NMRK2: variants seen among roughly 807,000 people sequenced by gnomAD.
NMRK2 encodes the protein NRK 2.
In NMRK2, 34 loss-of-function variants were observed where a neutral mutation model predicts 24.7. The observed-to-expected ratio is 1.37, with a 90% CI of 1.05 to 1.83. The LOEUF (loss-of-function observed/expected upper bound fraction) is 1.83. Ranked by LOEUF, NMRK2 falls within the 40% of genes most tolerant of loss-of-function variation. NMRK2 has a pLI of 0.00. For missense variants in NMRK2, 341 were observed against 315.0 expected, an observed-to-expected ratio of 1.08 and a Z score of -0.62; for synonymous variants, 145 against 125.6, an observed-to-expected ratio of 1.15 and a Z score of -1.03.
chr19:3,939,439 G>A (rs537546910), intron 5 of NMRK2, among the ~76,000 whole-genome samples: 4 of 152,086 alleles, frequency 2.6e-5, no homozygotes, highest in African/African-American at 4.8e-5. Flanking sequence ...GCTTGAACCC[G>A]GGAAGTGGAG....
At position 3,941,186 on chromosome 19, in the gene NMRK2, CT is replaced by C; in HGVS notation, c.502+10del. 1 of 1,415,110 alleles carries C rather than the reference CT, an allele frequency of 7.1e-7. No individual in the cohort carries two copies. The highest frequency in any genetic ancestry group is 1.1e-5 in the South Asian group (1 of 87,504). The allele number at this position is 1,415,110 out of a possible 1,614,324, so 87.7% of individuals were successfully genotyped here. ...CAACGGTGTGGAAGTGGGTAAGCCC[CT>C]GAGCATGACCAGGCCTTGCCCCGGG... On this transcript the variant is annotated intron_variant, in intron 7 of 7. Coordinates refer to ENST00000168977, the MANE Select transcript of NMRK2 (RefSeq NM_170678.3).
In NMRK2 at chr19:3,938,527, C is replaced by T. The variant is rs574657183; in HGVS notation, c.167-76C>T. ...CCATCCACCGTCCCCTGGGGTCCGCCCTCCTGCAATGCCCGCTCCCCGTCC... is the reference window on the plus strand; with the variant it reads ...CCATCCACCGTCCCCTGGGGTCCGCTCTCCTGCAATGCCCGCTCCCCGTCC... On this transcript the variant is annotated intron_variant, in intron 4 of 7. Transcript: ENST00000168977. The T allele has an allele frequency of 1.3e-5, 18 of 1,375,832 alleles. No individual in the cohort carries two copies. In the African/African-American group the frequency reaches 2.7e-4, roughly 20 times the overall value. The allele number at this position is 1,375,832 out of a possible 1,614,324, so 85.2% of individuals were successfully genotyped here.
At position 3,933,578 on chromosome 19, in the gene NMRK2, T is replaced by C. The variant is rs952135221; in HGVS notation, c.-94T>C. The C allele has an allele frequency of 6.9e-7, 1 of 1,444,592 alleles. No homozygotes were observed. The highest frequency in any genetic ancestry group is 9.2e-7 in the Non-Finnish European group (1 of 1,081,800). The allele number at this position is 1,444,592 out of a possible 1,614,324, so 89.5% of individuals were successfully genotyped here. ...AGACCTATAAAGGCGCCAGGTTTTC[T>C]CAATGAAGCCGGGACGCACTCCGGA... On this transcript the variant is annotated 5_prime_UTR_variant, in exon 2 of 8. Coordinates refer to ENST00000168977, the MANE Select transcript of NMRK2 (RefSeq NM_170678.3).
intron 1 of NMRK2, 51 bp from the exon 2 acceptor site, chr19:3,933,407 A>C: frequency 6.3e-6 from 3 of 478,910 alleles, no homozygotes; most frequent in Non-Finnish European, 7.4e-6. Context: ...GGAGGAGGGA[A>C]GAGGCAGCCC....
intron 7 of NMRK2, among the ~76,000 whole-genome samples, chr19:3,941,877 G>A (rs941096888): frequency 1.3e-5 from 2 of 151,978 alleles, no homozygotes; most frequent in Non-Finnish European, 2.9e-5. Flanking sequence ...TCCTGACCTC[G>A]TGATCCGCCT....
At chr19:3,934,832 C>G (rs2039185927) in intron 2 of NMRK2, among the ~76,000 whole-genome samples, 1 of 152,118 alleles carries the variant, frequency 6.6e-6, no homozygotes, top group East Asian at 1.9e-4. Context: ...ATCCAACTGT[C>G]TCAGCCTCCC....
intron 2 of NMRK2, among the ~76,000 whole-genome samples, chr19:3,934,560 T>A (rs968745259): frequency 6.7e-6 from 1 of 149,100 alleles, no homozygotes; most frequent in Non-Finnish European, 1.5e-5. Flanking sequence ...TGGGGTTTTT[T>A]TTTTTGGGGG....
intron 7 of NMRK2, among the ~76,000 whole-genome samples, chr19:3,941,516 G>A (rs545220327): frequency 4.6e-5 from 7 of 151,810 alleles, no homozygotes; most frequent in East Asian, 3.9e-4. Context: ...GTCTCCCAAC[G>A]TGCTGGGATT....
chr19:3,936,986 C>A (rs2039225312), intron 3 of NMRK2, among the ~76,000 whole-genome samples: 2 of 152,164 alleles, frequency 1.3e-5, no homozygotes, highest in East Asian at 3.8e-4. Flanking sequence ...TGGGTGAATA[C>A]CCTTTATTCC....
Position 3,942,289 on chromosome 19 carries a change from G to A in NMRK2, c.*16G>A, listed in dbSNP as rs1311345905. 2.5e-6 allele frequency: 4 copies of A among 1,588,254 alleles called. No homozygotes were observed. The highest frequency in any genetic ancestry group is 3.4e-6 in the Non-Finnish European group (4 of 1,168,922). On this transcript the variant is annotated 3_prime_UTR_variant, in exon 8 of 8. Transcript: ENST00000168977. Reference sequence around the variant, plus strand: ...CAGCATGTGAGCGTTTCCCTATGGGGGTGTCTGTACGTAGGAGAGTGGAGG... The same window carrying A: ...CAGCATGTGAGCGTTTCCCTATGGGAGTGTCTGTACGTAGGAGAGTGGAGG...
rs1433729960 is a variant in NMRK2, at chr19:3,938,615, T to C, written c.179T>C (p.Leu60Pro). The part of the protein sequence containing the change: ...GFKQWDVLES[L>P]DMEAMLDTVQ... Reference sequence around the variant, plus strand: ...CCCCTTTCCCCAGTGCTGGAGTCTCTGGACATGGAGGCCATGCTGGACACC... The same window carrying C: ...CCCCTTTCCCCAGTGCTGGAGTCTCCGGACATGGAGGCCATGCTGGACACC... The change falls in exon 5 of 8, where the codon CTG becomes CCG. Residue 60 changes from leucine (L) to proline (P), a missense_variant. By Grantham distance (98) the Leu-to-Pro change is moderately conservative. Coordinates refer to ENST00000168977, the MANE Select transcript of NMRK2 (RefSeq NM_170678.3). 6.3e-6 allele frequency: 10 copies of C among 1,589,004 alleles called. No homozygotes were observed. The South Asian group carries it at 6.8e-5, about 11-fold the overall frequency.
chr19:3,938,619 C>G lies in NMRK2; in HGVS notation c.183C>G (p.Asp61Glu). 6.3e-7 allele frequency: 1 copy of G among 1,592,050 alleles called. No individual in the cohort carries two copies. The highest frequency in any genetic ancestry group is 1.7e-5 in the Admixed American group (1 of 57,992). The change falls in exon 5 of 8, where the codon GAC becomes GAG. Residue 61 changes from aspartate (D) to glutamate (E), a missense_variant. Physicochemically the swap from Asp to Glu is conservative, Grantham distance 45. Coordinates refer to ENST00000168977, the MANE Select transcript of NMRK2 (RefSeq NM_170678.3). ...TTTCCCCAGTGCTGGAGTCTCTGGA[C>G]ATGGAGGCCATGCTGGACACCGTGC... ...FKQWDVLESL[D>E]MEAMLDTVQA... is the part of the protein sequence containing the mutation.
chr19:3,934,569 G>C (rs1390714734), intron 2 of NMRK2, among the ~76,000 whole-genome samples: 1 of 151,102 alleles, frequency 6.6e-6, no homozygotes, highest in African/African-American at 2.4e-5. Flanking sequence ...TTTTTTTGGG[G>C]GGGGGGTGTT....
intron 6 of NMRK2, among the ~76,000 whole-genome samples, chr19:3,940,199 TAGTC>T (rs2039306297): frequency 6.8e-6 from 1 of 146,978 alleles, no homozygotes; most frequent in African/African-American, 2.5e-5. Flanking sequence ...ATACAAAAAT[TAGTC>T]GGGCGTAGTG....
intron 6 of NMRK2, 36 bp from the exon 7 acceptor site, chr19:3,941,035 T>C (rs201160988): frequency 1.4e-6 from 2 of 1,384,112 alleles, no homozygotes. Context: ...ATCACCCTTC[T>C]GTGCTCTAAG....
In NMRK2 at chr19:3,938,679, T is replaced by G. The variant is rs761468323; in HGVS notation, c.243T>G (p.Arg81=). Residue 81 remains arginine, a synonymous_variant, in exon 5 of 8, where the codon CGT becomes CGG. Transcript: ENST00000168977. ...TGAGCAGCCCGCAGAAGTTTGCCCG[T>G]GCCCACGGGGTCAGCGTCCAGCCAG... is the stretch of plus-strand genomic sequence containing the variant. ...AWLSSPQKFA[R]AHGVSVQPEA... The G allele has an allele frequency of 1.7e-5, 28 of 1,612,834 alleles. No homozygotes were observed. Among genetic ancestry groups the G allele is most frequent in the Non-Finnish European group, 1.9e-5 (23 of 1,179,556 alleles).
At chr19:3,941,724 T>C (rs1599166377) in intron 7 of NMRK2, among the ~76,000 whole-genome samples, 1 of 148,472 alleles carries the variant, frequency 6.7e-6, no homozygotes, top group East Asian at 2.0e-4. Flanking sequence ...CTCACGGCAA[T>C]CTCCGCCTCC....
At chr19:3,938,145 G>A (rs1221603554) in intron 4 of NMRK2, among the ~76,000 whole-genome samples, 5 of 99,052 alleles carry the variant, frequency 5.0e-5, no homozygotes, top group South Asian at 3.4e-4. Flanking sequence ...CCCGTCCACT[G>A]TCCCCCCGGG....
intron 1 of NMRK2, 37 bp from the exon 2 acceptor site, chr19:3,933,421 G>A (rs2039149238): frequency 2.0e-6 from 1 of 502,448 alleles, no homozygotes. Context: ...GCAGCCCCCT[G>A]CCCGGCCAGC....
Sources: gnomAD v4.1 joint callset for allele counts (sites outside exome capture counted in the v4.1 genomes callset) on GRCh38, gnomAD v4.1.1 for gene constraint, MANE v1.5 for transcripts, NCBI Gene and HGNC (gene_info 2026-07-23, HGNC 2026-07-21) for gene names.